Variants in MGAT4C observed in about 807,000 individuals in gnomAD.
MGAT4C encodes MGAT4 family member C.
Under a neutral mutation model 40.1 loss-of-function variants are expected in MGAT4C, and 19 were observed. The observed-to-expected ratio is 0.47, with a 90% CI of 0.33 to 0.70. The LOEUF (loss-of-function observed/expected upper bound fraction) is 0.70, where lower values mean the gene tolerates loss of function less well. Among genes scored for constraint, MGAT4C ranks in the 30% least tolerant of loss-of-function variants. The probability of loss-of-function intolerance (pLI) is 0.02; values close to 1 mark genes in which losing one functional copy is unlikely to be tolerated. For synonymous variants in MGAT4C, 181 were observed against 187.1 expected, an observed-to-expected ratio of 0.97 and a Z score of 0.27; for missense variants, 491 against 563.2, an observed-to-expected ratio of 0.87 and a Z score of 1.30.
At chr12:86,283,656 G>A (rs941817277) in intron 4 of MGAT4C, among the ~76,000 whole-genome samples, 3 of 152,064 alleles carry the variant, frequency 2.0e-5, no homozygotes, top group African/African-American at 7.2e-5. Flanking sequence ...GTGATATACT[G>A]TTTGTTGATT....
At chr12:86,397,924 C>T (rs768849238) in intron 3 of MGAT4C, among the ~76,000 whole-genome samples, 17 of 152,148 alleles carry the variant, frequency 1.1e-4, no homozygotes, top group Non-Finnish European at 1.9e-4. Context: ...GATCACACCA[C>T]TGCACTGCAG....
At chr12:86,681,184 G>T (rs1012703182) in intron 2 of MGAT4C, among the ~76,000 whole-genome samples, 7 of 151,874 alleles carry the variant, frequency 4.6e-5, no homozygotes, top group Non-Finnish European at 8.8e-5. Context: ...ATATATTTAA[G>T]AATTTAGATT....
intron 1 of MGAT4C, among the ~76,000 whole-genome samples, chr12:86,744,218 G>A (rs897383089): frequency 1.3e-5 from 2 of 151,352 alleles, no homozygotes; most frequent in East Asian, 3.9e-4. Flanking sequence ...AGACAACCAC[G>A]GAACTAAATA....
chr12:86,834,163 TAGAG>T (rs1376474455), intron 1 of MGAT4C, among the ~76,000 whole-genome samples: 10 of 138,464 alleles, frequency 7.2e-5, no homozygotes, highest in African/African-American at 1.7e-4. Context: ...TATCTATAGA[TAGAG>T]ATAGATAGAT....
At chr12:86,522,636 C>T (rs1034491936) in intron 2 of MGAT4C, among the ~76,000 whole-genome samples, 3 of 152,064 alleles carry the variant, frequency 2.0e-5, no homozygotes, top group Non-Finnish European at 2.9e-5. Context: ...AAGTATTTCT[C>T]CTCCTCAATT....
At chr12:86,552,127 A>C (rs1959398177) in intron 2 of MGAT4C, among the ~76,000 whole-genome samples, 3 of 152,090 alleles carry the variant, frequency 2.0e-5, no homozygotes, top group Admixed American at 2.0e-4. Context: ...TTCAAGGAAA[A>C]GAATTTATTG....
chr12:86,486,227 T>C (rs774054744), intron 2 of MGAT4C, among the ~76,000 whole-genome samples: 5 of 152,092 alleles, frequency 3.3e-5, no homozygotes, highest in Non-Finnish European at 7.4e-5. Flanking sequence ...CCCTGGAACG[T>C]AAATGGTCTA....
intron 2 of MGAT4C, among the ~76,000 whole-genome samples, chr12:86,524,260 C>T (rs4639998): frequency 0.031 from 4,706 of 152,242 alleles, 104 homozygotes; most frequent in South Asian, 0.067. Context: ...GTGCTTCCTT[C>T]AGGAGCTCTA....
intron 1 of MGAT4C, among the ~76,000 whole-genome samples, chr12:86,743,429 A>T (rs1305388487): frequency 6.6e-6 from 1 of 151,560 alleles, no homozygotes; most frequent in Non-Finnish European, 1.5e-5. Context: ...CCAGGGGAAA[A>T]CCAGCTTTCT....
intron 2 of MGAT4C, among the ~76,000 whole-genome samples, chr12:86,540,867 T>G (rs1959164082): frequency 6.6e-6 from 1 of 152,218 alleles, no homozygotes; most frequent in Non-Finnish European, 1.5e-5. Flanking sequence ...AGCCACTGAA[T>G]TTGAGGCAAC....
At chr12:86,547,991 A>G (rs921550505) in intron 2 of MGAT4C, among the ~76,000 whole-genome samples, 1 of 152,178 alleles carries the variant, frequency 6.6e-6, no homozygotes, top group Admixed American at 6.5e-5. Flanking sequence ...CCATTAGGTT[A>G]TCTGAAGAAG....
At position 86,748,936 on chromosome 12, in the gene MGAT4C, T is replaced by A. The variant is rs540684913; in HGVS notation, c.-261-21695A>T. Among the ~76,000 whole-genome samples, 9 of 150,264 alleles carry A rather than the reference T, an allele frequency of 6.0e-5. No homozygotes were observed. In the South Asian group the frequency reaches 1.5e-3, roughly 24 times the overall value. ...AAATTTAAGCTGAAAGGAATATATT[T>A]TCTTTTAACCTTTTTTTTTTTTCAA... On this transcript the variant is annotated intron_variant, in intron 1 of 7. Coordinates refer to the MGAT4C transcript ENST00000548651.
intron 2 of MGAT4C, among the ~76,000 whole-genome samples, chr12:86,563,716 C>A (rs1959968807): frequency 6.6e-6 from 1 of 152,164 alleles, no homozygotes; most frequent in African/African-American, 2.4e-5. Flanking sequence ...AACTACTGGA[C>A]ACTGGCTCTA....
At chr12:86,352,923 C>G (rs1269048106) in intron 3 of MGAT4C, among the ~76,000 whole-genome samples, 1 of 151,268 alleles carries the variant, frequency 6.6e-6, no homozygotes, top group Non-Finnish European at 1.5e-5. Flanking sequence ...TGTTAAATGA[C>G]GAGTTAATGG....
intron 1 of MGAT4C, among the ~76,000 whole-genome samples, chr12:86,050,481 T>A (rs972436669): frequency 2.0e-5 from 3 of 152,104 alleles, no homozygotes; most frequent in Non-Finnish European, 2.9e-5. Context: ...TAAACACATA[T>A]TTATATTTTT....
intron 3 of MGAT4C, among the ~76,000 whole-genome samples, chr12:86,395,579 C>G (rs1015446092): frequency 6.6e-6 from 1 of 152,164 alleles, no homozygotes. Context: ...CAGTAAAAAT[C>G]TGTTCTTTGT....
rs561732933 is a variant in MGAT4C, at chr12:86,555,630, C to T, written c.-228-120365G>A. ...TCCTTGCTCCTTGCTGTCCCAGGATCGATTGTATCTTGAGTTAAAAGAACC... is the reference window on the plus strand; with the variant it reads ...TCCTTGCTCCTTGCTGTCCCAGGATTGATTGTATCTTGAGTTAAAAGAACC... On this transcript the variant is annotated intron_variant, in intron 2 of 7. Coordinates refer to the MGAT4C transcript ENST00000548651. Among the ~76,000 whole-genome samples, 4 of 152,230 alleles carry T rather than the reference C, an allele frequency of 2.6e-5. 1 individual carries two copies. The South Asian group carries it at 6.2e-4, about 24-fold the overall frequency.
At chr12:86,612,509 G>A (rs544739493) in intron 2 of MGAT4C, among the ~76,000 whole-genome samples, 2 of 152,132 alleles carry the variant, frequency 1.3e-5, no homozygotes, top group East Asian at 3.9e-4. Flanking sequence ...CAGCACTTTG[G>A]GAGGCCAAGG....
At chr12:86,672,174 T>C (rs1028209053) in intron 2 of MGAT4C, among the ~76,000 whole-genome samples, 1 of 152,076 alleles carries the variant, frequency 6.6e-6, no homozygotes, top group Non-Finnish European at 1.5e-5. Flanking sequence ...AACTAGATGC[T>C]CTTGAATGAC....
Sources: allele counts gnomAD v4.1 joint callset (sites outside exome capture counted in the v4.1 genomes callset), GRCh38; gene constraint gnomAD v4.1.1; transcripts MANE v1.5; gene names NCBI Gene and HGNC (gene_info 2026-07-23, HGNC 2026-07-21).